Variants in SMARCA5 observed in about 807,000 individuals in gnomAD.
The protein encoded by SMARCA5 is SWI/SNF-related matrix-associated actin-dependent regulator of chromatin subfamily A member 5.
In SMARCA5, 18 loss-of-function variants were observed where a neutral mutation model predicts 140.4. That is an observed-to-expected ratio of 0.13 (90% CI 0.09 to 0.19). The LOEUF (loss-of-function observed/expected upper bound fraction) is 0.19. Ranked by LOEUF, SMARCA5 falls within the 10% of genes least tolerant of loss-of-function variation. SMARCA5 has a pLI of 1.00. For synonymous variants in SMARCA5, 449 were observed against 419.6 expected (o/e 1.07, Z -0.86); for missense variants, 606 against 1,276.8 (o/e 0.47, Z 8.01).
intron 14 of SMARCA5, among the ~76,000 whole-genome samples, chr4:143,542,466 A>T (rs971748401): frequency 1.3e-5 from 2 of 152,212 alleles, no homozygotes; most frequent in African/African-American, 4.8e-5. Context: ...ACATTTTGGT[A>T]GCAATGGTAG....
At chr4:143,524,311 T>A in intron 3 of SMARCA5, 56 bp from the exon 4 acceptor site, 1 of 1,222,930 alleles carries the variant, frequency 8.2e-7, no homozygotes, top group South Asian at 1.4e-5. Flanking sequence ...GTTTAAACAG[T>A]AGCTGATAAT....
At chr4:143,523,912 G>A (rs984603798) in intron 3 of SMARCA5, among the ~76,000 whole-genome samples, 1 of 152,148 alleles carries the variant, frequency 6.6e-6, no homozygotes, top group Non-Finnish European at 1.5e-5. Flanking sequence ...GAATTTAGAT[G>A]TGTATTTAAA....
At chr4:143,547,708 T>A (rs1254895958) in intron 21 of SMARCA5, among the ~76,000 whole-genome samples, 2 of 152,084 alleles carry the variant, frequency 1.3e-5, no homozygotes, top group African/African-American at 4.8e-5. Flanking sequence ...ATTAGCTTTT[T>A]ACTAAGTAGA....
intron 13 of SMARCA5, 142 bp downstream of exon 13, chr4:143,539,080 G>C: frequency 1.3e-6 from 1 of 744,066 alleles, no homozygotes; most frequent in South Asian, 1.8e-5. Context: ...ATATTGAGGT[G>C]ATCTTCCATC....
intron 6 of SMARCA5, among the ~76,000 whole-genome samples, chr4:143,527,170 T>A (rs1454685923): frequency 1.3e-5 from 2 of 152,200 alleles, no homozygotes; most frequent in African/African-American, 2.4e-5. Context: ...AAAATTTCGA[T>A]CAGTTGACAA....
At chr4:143,532,322 C>T (rs2149820583) in intron 9 of SMARCA5, among the ~76,000 whole-genome samples, 1 of 152,206 alleles carries the variant, frequency 6.6e-6, no homozygotes, top group East Asian at 1.9e-4. Context: ...GGCAGAAGAA[C>T]ATGATTTTTT....
chr4:143,555,496 ATTG>A lies in SMARCA5; in HGVS notation c.*2315_*2317del. On this transcript the variant is annotated 3_prime_UTR_variant, in exon 24 of 24. Transcript: ENST00000283131. ...ATTCCAACACAGGGTTTCAGTGTAG[ATTG>A]TTTTGTTTTGTACCCATGCTGTTGA... 1 of 474,918 alleles carries A rather than the reference ATTG, an allele frequency of 2.1e-6. No homozygotes were observed. The highest frequency in any genetic ancestry group is 3.1e-5 in the Admixed American group (1 of 32,648). 29.4% of individuals were successfully genotyped at this position (474,918 alleles called of 1,614,324 possible). A position where few individuals can be genotyped will look rare whatever the true frequency, so the allele number is the denominator to read the frequency against.
intron 9 of SMARCA5, among the ~76,000 whole-genome samples, chr4:143,533,045 TAGAAC>T (rs1192563254): frequency 6.6e-6 from 1 of 152,124 alleles, no homozygotes; most frequent in African/African-American, 2.4e-5. Context: ...CCAGTGTAAA[TAGAAC>T]AGAGGTACAA....
In SMARCA5 at chr4:143,553,234, T is replaced by C. The variant is rs1426148808; in HGVS notation, c.*50T>C. On this transcript the variant is annotated 3_prime_UTR_variant, in exon 24 of 24. Coordinates refer to ENST00000283131, the MANE Select transcript of SMARCA5 (RefSeq NM_003601.4). ...AACTTTAAACCAGTAGTTCTTTAATTTACGGGTCTTCATAAGATGTACTGT... is the reference window on the plus strand; with the variant it reads ...AACTTTAAACCAGTAGTTCTTTAATCTACGGGTCTTCATAAGATGTACTGT... 1.6e-6 allele frequency: 2 copies of C among 1,271,390 alleles called. No homozygotes were observed. The highest frequency in any genetic ancestry group is 2.3e-6 in the Non-Finnish European group (2 of 868,628). The allele number at this position is 1,271,390 out of a possible 1,614,324, so 78.8% of individuals were successfully genotyped here.
At chr4:143,546,706 G>A in intron 19 of SMARCA5, 70 bp from the exon 20 acceptor site, 4 of 1,439,212 alleles carry the variant, frequency 2.8e-6, no homozygotes, top group Non-Finnish European at 3.8e-6. Flanking sequence ...ATATTTAGAA[G>A]GTTTGCTAAT....
intron 8 of SMARCA5, 92 bp downstream of exon 8, chr4:143,528,806 C>A: frequency 1.8e-6 from 2 of 1,092,778 alleles, no homozygotes; most frequent in South Asian, 3.5e-5. Context: ...TTTAGCATGG[C>A]TTGAGGTTAT....
intron 9 of SMARCA5, 94 bp downstream of exon 9, chr4:143,530,620 C>A: frequency 1.2e-6 from 1 of 805,190 alleles, no homozygotes; most frequent in Non-Finnish European, 2.0e-6. Flanking sequence ...ATAAAAAACA[C>A]AATGGCTTAA....
chr4:143,540,019 GT>G (rs1471967339), intron 13 of SMARCA5, among the ~76,000 whole-genome samples: 1 of 152,168 alleles, frequency 6.6e-6, no homozygotes, highest in Non-Finnish European at 1.5e-5. Context: ...TTTTTGTGTT[GT>G]TTGCTAAGTT....
At position 143,553,176 on chromosome 4, in the gene SMARCA5, A is replaced by C. The variant is rs1435956124; in HGVS notation, c.3151A>C (p.Lys1051Gln). 12 of 1,611,182 alleles carry C rather than the reference A, an allele frequency of 7.4e-6. No homozygotes were observed. Among genetic ancestry groups the C allele is most frequent in the Non-Finnish European group, 1.0e-5 (12 of 1,177,678 alleles). Residue 1051 changes from lysine (K) to glutamine (Q), a missense_variant, in exon 24 of 24, where the codon AAA (lysine) becomes CAA (glutamine). Lys to Gln is a moderately conservative substitution (Grantham distance 53, BLOSUM62 1). Coordinates refer to ENST00000283131, the MANE Select transcript of SMARCA5 (RefSeq NM_003601.4). ...TGGTCGAGGAAGAAAAAAGAAGCTG[A>C]AACTATGAATATGTTTTTGTTTCAT... Reference protein sequence around the residue: ...PDGRGRKKKLKL With the variant: ...PDGRGRKKKLQL
chr4:143,522,485 A>G (rs1382127207), intron 3 of SMARCA5, among the ~76,000 whole-genome samples: 1 of 152,244 alleles, frequency 6.6e-6, no homozygotes, highest in African/African-American at 2.4e-5. Context: ...GGTTAAATTC[A>G]CTACACAGTT....
At position 143,513,742 on chromosome 4, in the gene SMARCA5, G is replaced by A. The variant is rs11933670; in HGVS notation, c.-183G>A. ...AGCCCCGCGGAAGAGCAGAACGTTT[G>A]GGAGTGTGCAGCTCCTGGGCCCGGC... On this transcript the variant is annotated 5_prime_UTR_variant, in exon 1 of 24. Coordinates refer to ENST00000283131, the MANE Select transcript of SMARCA5 (RefSeq NM_003601.4). 2.6e-3 allele frequency: 1,643 copies of A among 632,810 alleles called. 28 individuals carry two copies. In the African/African-American group the frequency reaches 0.028, roughly 11 times the overall value. The allele number at this position is 632,810 out of a possible 1,614,324, so 39.2% of individuals were successfully genotyped here.
intron 2 of SMARCA5, among the ~76,000 whole-genome samples, chr4:143,518,208 C>T (rs984406171): frequency 9.2e-5 from 14 of 152,082 alleles, no homozygotes; most frequent in African/African-American, 2.9e-4. Flanking sequence ...TCCCAGTTCA[C>T]GTTCCGTATC....
At chr4:143,551,637 A>G (rs1737642417) in intron 23 of SMARCA5, among the ~76,000 whole-genome samples, 1 of 152,260 alleles carries the variant, frequency 6.6e-6, no homozygotes, top group East Asian at 1.9e-4. Flanking sequence ...TCCCATTACC[A>G]TTTATTGAAG....
At chr4:143,514,198 C>T (rs998061428) in intron 1 of SMARCA5, 97 bp downstream of exon 1, 3 of 1,129,048 alleles carry the variant, frequency 2.7e-6, no homozygotes, top group Admixed American at 2.8e-5. Flanking sequence ...CCGGGTTTCT[C>T]TCTCTGCACC....
Sources: gnomAD v4.1 joint callset for allele counts (sites outside exome capture counted in the v4.1 genomes callset) on GRCh38, gnomAD v4.1.1 for gene constraint, MANE v1.5 for transcripts, NCBI Gene and HGNC (gene_info 2026-07-23, HGNC 2026-07-21) for gene names.